The following ATAD2B variants were observed in gnomAD, a reference collection of about 807,000 sequenced individuals.
ATAD2B encodes the protein ATPase family AAA domain containing 2B.
ATAD2B carries 40 observed loss-of-function variants against 167.6 expected under a neutral mutation model. The ratio of observed to expected loss-of-function variants is 0.24; its 90% CI spans 0.19 to 0.31. The LOEUF (loss-of-function observed/expected upper bound fraction) is 0.31. Ranked by LOEUF, ATAD2B falls within the 10% of genes least tolerant of loss-of-function variation. The probability of loss-of-function intolerance (pLI) is 1.00; values close to 1 mark genes in which losing one functional copy is unlikely to be tolerated. For synonymous variants in ATAD2B, 579 were observed against 596.5 expected (o/e 0.97, Z 0.43); for missense variants, 1,242 against 1,757.2 (o/e 0.71, Z 5.24).
intron 1 of ATAD2B, among the ~76,000 whole-genome samples, chr2:23,907,892 G>T: frequency 6.6e-6 from 1 of 152,124 alleles, no homozygotes; most frequent in Non-Finnish European, 1.5e-5. Context: ...ATGGGGAAAG[G>T]ATTCCCTATT....
rs542663697 is a variant in ATAD2B at position 23,816,911 on chromosome 2, T to C, written c.2267+2836A>G. Reference sequence around the variant, plus strand: ...ATGTAAAAAAGAAAAGGTTTCAACATTGTTTCAGGAGACTATTCCCAGAAA... The same window carrying C: ...ATGTAAAAAAGAAAAGGTTTCAACACTGTTTCAGGAGACTATTCCCAGAAA... On this transcript the variant is annotated intron_variant, in intron 17 of 27. Transcript: ENST00000238789. 2.6e-5 allele frequency among the ~76,000 whole-genome samples: 4 copies of C among 152,322 alleles called. 1 individual carries two copies. The South Asian group carries it at 6.2e-4, about 24-fold the overall frequency.
chr2:23,724,719 A>T, the ATAD2B span, among the ~76,000 whole-genome samples: 2 of 151,914 alleles, frequency 1.3e-5, no homozygotes, highest in Non-Finnish European at 2.9e-5. Flanking sequence ...TCAAGTGGCC[A>T]AATATCAAGA....
the ATAD2B span, among the ~76,000 whole-genome samples, chr2:23,718,731 C>A: frequency 1.3e-5 from 2 of 152,210 alleles, no homozygotes; most frequent in Admixed American, 1.3e-4. Flanking sequence ...GGAGCTAAAA[C>A]CAAGGTGTTG....
intron 21 of ATAD2B, among the ~76,000 whole-genome samples, chr2:23,783,880 T>C (rs1030123943): frequency 1.3e-5 from 2 of 152,134 alleles, no homozygotes; most frequent in African/African-American, 4.8e-5. Flanking sequence ...AGTTCTGCTC[T>C]ATGAAGTTTC....
the ATAD2B span, among the ~76,000 whole-genome samples, chr2:23,709,021 A>ATTTCT: frequency 9.2e-5 from 14 of 152,084 alleles, no homozygotes; most frequent in East Asian, 3.9e-4. Flanking sequence ...ATACAGGGTG[A>ATTTCT]TTTCTTTTCT....
At chr2:23,756,408 T>C (rs1347341444) in intron 25 of ATAD2B, among the ~76,000 whole-genome samples, 1 of 152,060 alleles carries the variant, frequency 6.6e-6, no homozygotes, top group African/African-American at 2.4e-5. Flanking sequence ...AAAAAAATTT[T>C]CCCACATAGC....
At chr2:23,735,803 G>C in the ATAD2B span, among the ~76,000 whole-genome samples, 1 of 152,198 alleles carries the variant, frequency 6.6e-6, no homozygotes, top group Non-Finnish European at 1.5e-5. Flanking sequence ...GTCAAGGAAA[G>C]GTGAAAGAAA....
chr2:23,825,573 G>T (rs1688125648), intron 15 of ATAD2B, among the ~76,000 whole-genome samples: 1 of 152,058 alleles, frequency 6.6e-6, no homozygotes, highest in Non-Finnish European at 1.5e-5. Flanking sequence ...CTAGCTCAAA[G>T]TTATAAAGAG....
intron 1 of ATAD2B, among the ~76,000 whole-genome samples, chr2:23,920,150 C>CA (rs58552045): frequency 0.033 from 4,584 of 139,276 alleles, 118 homozygotes; most frequent in Middle Eastern, 0.092. Flanking sequence ...GACTCTGCCT[C>CA]AAAAAAAAAA....
the ATAD2B span, among the ~76,000 whole-genome samples, chr2:23,679,193 A>G: frequency 1.3e-5 from 2 of 152,180 alleles, no homozygotes; most frequent in African/African-American, 4.8e-5. Flanking sequence ...AACAATTCTA[A>G]AATTCAGTGA....
At chr2:23,887,161 G>C (rs1273712407) in intron 4 of ATAD2B, among the ~76,000 whole-genome samples, 1 of 152,042 alleles carries the variant, frequency 6.6e-6, no homozygotes, top group Non-Finnish European at 1.5e-5. Context: ...CTGCTCGGAA[G>C]GCTGAGGCAG....
chr2:23,787,368 G>A (rs1680981730), intron 20 of ATAD2B, among the ~76,000 whole-genome samples: 1 of 151,912 alleles, frequency 6.6e-6, no homozygotes, highest in Admixed American at 6.6e-5. Flanking sequence ...AGAAAATTCA[G>A]ATCTATGAGA....
chr2:23,730,664 TCAAAAAAAA>T, the ATAD2B span, among the ~76,000 whole-genome samples: 1 of 5,130 alleles, frequency 1.9e-4, no homozygotes, highest in Admixed American at 5.0e-3. Flanking sequence ...AGACTCCGTT[TCAAAAAAAA>T]AAAAAAAAAA....
chr2:23,885,719 A>G lies in ATAD2B; in HGVS notation c.675+8T>C. ...ATTTACAAAGATTGCTACAGCTAAT[A>G]TACTCACAAATTCTGTATCTGTCCA... On this transcript the variant is annotated splice_region_variant and intron_variant, in intron 5 of 27. Transcript: ENST00000238789. 6.6e-7 allele frequency: 1 copy of G among 1,505,184 alleles called. No individual in the cohort carries two copies. Among genetic ancestry groups the G allele is most frequent in the Middle Eastern group, 1.7e-4 (1 of 5,872 alleles). 93.2% of individuals were successfully genotyped at this position (1,505,184 alleles called of 1,614,324 possible).
chr2:23,698,016 T>TTGA, the ATAD2B span: 2 of 152,230 alleles, frequency 1.3e-5, no homozygotes, highest in Non-Finnish European at 2.9e-5. Flanking sequence ...ACTTATACTG[T>TTGA]TGATAAATAT....
intron 1 of ATAD2B, among the ~76,000 whole-genome samples, chr2:23,905,892 A>G (rs1049709398): frequency 6.6e-6 from 1 of 152,210 alleles, no homozygotes; most frequent in Non-Finnish European, 1.5e-5. Context: ...TAACTCCTTA[A>G]ATTAGCTGGT....
intron 22 of ATAD2B, among the ~76,000 whole-genome samples, chr2:23,778,008 A>C (rs1005118341): frequency 3.9e-5 from 6 of 152,202 alleles, no homozygotes; most frequent in African/African-American, 1.4e-4. Flanking sequence ...AGAACACTGT[A>C]AGCTTCCAAA....
At chr2:23,822,965 G>A (rs1005280697) in intron 16 of ATAD2B, among the ~76,000 whole-genome samples, 5 of 149,900 alleles carry the variant, frequency 3.3e-5, no homozygotes, top group Non-Finnish European at 5.9e-5. Flanking sequence ...ATGATTTAGG[G>A]GCTTTAAAGG....
At chr2:23,685,243 T>TC in the ATAD2B span, 1 of 151,252 alleles carries the variant, frequency 6.6e-6, no homozygotes, top group East Asian at 2.0e-4. Context: ...ATGAGCATCT[T>TC]TTTTTTTTTC....
Sources: allele counts gnomAD v4.1 joint callset (sites outside exome capture counted in the v4.1 genomes callset), GRCh38; gene constraint gnomAD v4.1.1; transcripts MANE v1.5; gene names NCBI Gene and HGNC (gene_info 2026-07-23, HGNC 2026-07-21).